SLA: variants seen among roughly 807,000 people sequenced by gnomAD.
SLA encodes src-like-adapter.
Under a neutral mutation model 30.3 loss-of-function variants are expected in SLA, and 16 were observed. The ratio of observed to expected loss-of-function variants is 0.53; its 90% CI spans 0.36 to 0.80. The LOEUF is 0.80. Ranked by LOEUF, SLA falls within the 30% of genes least tolerant of loss-of-function variation. The pLI, the probability that SLA is intolerant of heterozygous loss-of-function variation, is 0.01. For missense variants in SLA, 310 were observed against 345.2 expected (o/e 0.90, Z 0.81); for synonymous variants, 143 against 137.8 (o/e 1.04, Z -0.26).
intron 6 of SLA, chr8:133,047,345 G>C (rs924385307): frequency 6.4e-6 from 1 of 156,270 alleles, no homozygotes; most frequent in Non-Finnish European, 1.4e-5. Context: ...AACTGATATC[G>C]GGACTGTCTG....
chr8:133,063,578 A>G (rs1381589959), intron 2 of SLA: 1 of 151,892 alleles, frequency 6.6e-6, no homozygotes, highest in African/African-American at 2.4e-5. Context: ...AAAGAAACGT[A>G]CCCAGGGTCA....
intron 2 of SLA, among the ~76,000 whole-genome samples, chr8:133,073,501 A>G (rs1844387757): frequency 6.6e-6 from 1 of 152,144 alleles, no homozygotes; most frequent in South Asian, 2.1e-4. Flanking sequence ...AGCTGGGATT[A>G]CAGGCACCCG....
In SLA at chr8:133,070,029, A is replaced by AAAAAAC. The variant is rs376711807; in HGVS notation, c.-41+4823_-41+4824insGTTTTT. ...AAAAAAAAAAAAAAAAAAAAAAAGA[A>AAAAAAC]AGAAAGAAAGAAAAGAAAAGAAGAA... On this transcript the variant is annotated intron_variant, in intron 2 of 8. Transcript: ENST00000338087. 2.1e-4 allele frequency among the ~76,000 whole-genome samples: 23 copies of AAAAAAC among 109,796 alleles called. 2 individuals are homozygous for AAAAAAC. Among genetic ancestry groups the AAAAAAC allele is most frequent in the African/African-American group, 3.9e-4 (10 of 25,816 alleles). The allele number at this position is 109,796 out of a possible 152,430, so 72.0% of individuals were successfully genotyped here.
chr8:133,042,335 C>T (rs1205862570), intron 7 of SLA, among the ~76,000 whole-genome samples: 7 of 152,162 alleles, frequency 4.6e-5, no homozygotes, highest in African/African-American at 1.7e-4. Flanking sequence ...TAGGGTCCAA[C>T]AGCTCTATAT....
chr8:133,087,755 A>G (rs1322848964), intron 1 of SLA: 1 of 152,212 alleles, frequency 6.6e-6, no homozygotes, highest in African/African-American at 2.4e-5. Flanking sequence ...TGATCAAGTC[A>G]GACTATTCAA....
At chr8:133,096,312 T>A (rs1848404982) in intron 1 of SLA, 4 of 1,613,990 alleles carry the variant, frequency 2.5e-6, no homozygotes, top group Non-Finnish European at 3.4e-6. Flanking sequence ...TGGGTAGAGG[T>A]CGATCTGCTC....
Position 133,077,352 on chromosome 8 carries a change from G to A in SLA, c.-318-2222C>T, listed in dbSNP as rs1325070448. Among the ~76,000 whole-genome samples the A allele has an allele frequency of 2.6e-5, 4 of 152,324 alleles. No individual in the cohort carries two copies. In the East Asian group the frequency reaches 7.7e-4, roughly 29 times the overall value. ...GGAGAAAGGCAGGATGCAGAGCCCTGGAGGTCAGGGCCGCAGGCTCTTCTC... is the reference window on the plus strand; with the variant it reads ...GGAGAAAGGCAGGATGCAGAGCCCTAGAGGTCAGGGCCGCAGGCTCTTCTC... On this transcript the variant is annotated intron_variant, in intron 1 of 8. Coordinates refer to ENST00000338087, the MANE Select transcript of SLA (RefSeq NM_001045556.3).
At chr8:133,095,056 C>A in intron 1 of SLA, 9 of 1,613,762 alleles carry the variant, frequency 5.6e-6, no homozygotes, top group Non-Finnish European at 7.6e-6. Context: ...AGGCTCCGCA[C>A]TCTCCCCGGC....
intron 1 of SLA, among the ~76,000 whole-genome samples, chr8:133,092,346 T>C (rs369636923): frequency 1.7e-4 from 26 of 152,352 alleles, no homozygotes; most frequent in East Asian, 1.3e-3. Context: ...GGTTTTGACC[T>C]GAACTATTTT....
At position 133,060,200 on chromosome 8, in the gene SLA, C is replaced by T. The variant is rs753025043; in HGVS notation, c.-40G>A. ...CTGGGGCCGCTGGTGATGCCCAGAGCCTGTGGTATAGGAGACAGACGGGGA... is the reference window on the plus strand; with the variant it reads ...CTGGGGCCGCTGGTGATGCCCAGAGTCTGTGGTATAGGAGACAGACGGGGA... On this transcript the variant is annotated splice_region_variant and 5_prime_UTR_variant, in exon 3 of 9. Coordinates refer to ENST00000338087, the MANE Select transcript of SLA (RefSeq NM_001045556.3). 1 of 1,613,454 alleles carries T rather than the reference C, an allele frequency of 6.2e-7. No homozygotes were observed. Among genetic ancestry groups the T allele is most frequent in the Non-Finnish European group, 8.5e-7 (1 of 1,179,674 alleles).
At chr8:133,089,960 A>G (rs1847230610) in intron 1 of SLA, 1 of 152,016 alleles carries the variant, frequency 6.6e-6, no homozygotes, top group African/African-American at 2.4e-5. Flanking sequence ...CTGAATTCCC[A>G]AAGTGCAAGA....
At position 133,038,434 on chromosome 8, in the gene SLA, G is replaced by A. The variant is rs1837478435; in HGVS notation, c.*90C>T. 9.9e-7 allele frequency: 1 copy of A among 1,005,290 alleles called. No individual in the cohort carries two copies. Among genetic ancestry groups the A allele is most frequent in the South Asian group, 1.4e-5 (1 of 72,848 alleles). The allele number at this position is 1,005,290 out of a possible 1,614,324, so 62.3% of individuals were successfully genotyped here. ...GCTTCTAAAATACGTGAGGCTCCCA[G>A]GGATCAGGGAACCTCGCTTTTCGCA... On this transcript the variant is annotated 3_prime_UTR_variant, in exon 9 of 9. Transcript: ENST00000338087.
At chr8:133,049,044 A>G in intron 5 of SLA, 1 of 395,792 alleles carries the variant, frequency 2.5e-6, no homozygotes. Flanking sequence ...CCGACACTTG[A>G]CAGATGAGGA....
intron 1 of SLA, among the ~76,000 whole-genome samples, chr8:133,081,736 C>A (rs1161787202): frequency 2.6e-5 from 4 of 152,190 alleles, no homozygotes; most frequent in Admixed American, 6.5e-5. Context: ...CTGTTCTCAG[C>A]CATGCAAGGG....
intron 2 of SLA, among the ~76,000 whole-genome samples, chr8:133,071,527 G>A (rs951213298): frequency 1.3e-5 from 2 of 152,190 alleles, no homozygotes; most frequent in African/African-American, 4.8e-5. Context: ...TAGGTTTGTG[G>A]ATAGAGCGGT....
intron 1 of SLA, among the ~76,000 whole-genome samples, chr8:133,093,659 C>T (rs1847939890): frequency 6.6e-6 from 1 of 152,228 alleles, no homozygotes; most frequent in African/African-American, 2.4e-5. Flanking sequence ...GAGATTCTGA[C>T]TGGCCTTGCC....
At position 133,063,930 on chromosome 8, in the gene SLA, T is replaced by G. The variant is rs191588890; in HGVS notation, c.-40-3730A>C. Among the ~76,000 whole-genome samples, 36 of 152,378 alleles carry G rather than the reference T, an allele frequency of 2.4e-4. No homozygotes were observed. The Middle Eastern group carries it at 0.017, about 72-fold the overall frequency. On this transcript the variant is annotated intron_variant, in intron 2 of 8. Coordinates refer to ENST00000338087, the MANE Select transcript of SLA (RefSeq NM_001045556.3). ...TTTGATTTAATCTGTGACAATTTTATGCAGTGGCTGAAGGTGGGAGAGAGG... is the reference window on the plus strand; with the variant it reads ...TTTGATTTAATCTGTGACAATTTTAGGCAGTGGCTGAAGGTGGGAGAGAGG...
rs1325821818 is a variant in SLA, at chr8:133,038,330, C to T, written c.*194G>A. On this transcript the variant is annotated 3_prime_UTR_variant, in exon 9 of 9. Transcript: ENST00000338087. ...TGTTTCGTGATGCCACAGCCCTGATCAGACACCAGGGAGGGGTTCCTTTGG... is the reference window on the plus strand; with the variant it reads ...TGTTTCGTGATGCCACAGCCCTGATTAGACACCAGGGAGGGGTTCCTTTGG... 1 of 603,766 alleles carries T rather than the reference C, an allele frequency of 1.7e-6. No individual in the cohort carries two copies. The highest frequency in any genetic ancestry group is 2.8e-5 in the East Asian group (1 of 36,176). 37.4% of individuals were successfully genotyped at this position (603,766 alleles called of 1,614,324 possible).
chr8:133,038,802 A>T, intron 8 of SLA, 65 bp from the exon 9 acceptor site: 2 of 1,067,302 alleles, frequency 1.9e-6, no homozygotes, highest in East Asian at 2.5e-5. Context: ...AGAGGAGGAG[A>T]TAAAGGGCAA....
Sources: gnomAD v4.1 joint callset for allele counts (sites outside exome capture counted in the v4.1 genomes callset) on GRCh38, gnomAD v4.1.1 for gene constraint, MANE v1.5 for transcripts, NCBI Gene and HGNC (gene_info 2026-07-23, HGNC 2026-07-21) for gene names.